MYO7A: variants seen among roughly 807,000 people sequenced by gnomAD.
MYO7A encodes the protein myosin VIIA, also known as unconventional myosin-VIIa.
A neutral mutation model predicts 263.8 loss-of-function variants in MYO7A; 210 were observed. The observed-to-expected ratio is 0.80, with a 90% CI of 0.71 to 0.89. The LOEUF (loss-of-function observed/expected upper bound fraction) is 0.89, where lower values mean the gene tolerates loss of function less well. Among genes scored for constraint, MYO7A ranks in the 40% least tolerant of loss-of-function variants. MYO7A has a pLI of 0.00. For missense variants in MYO7A, 2,820 were observed against 2,968.3 expected (o/e 0.95, Z 1.16); for synonymous variants, 1,239 against 1,197.3 (o/e 1.03, Z -0.72).
At chr11:77,213,187 A>G (rs993213493) in intron 47 of MYO7A, among the ~76,000 whole-genome samples, 152 bp downstream of exon 47, 4 of 152,216 alleles carry the variant, frequency 2.6e-5, no homozygotes, top group Admixed American at 2.6e-4. Context: ...AGCGTTTGCT[A>G]GGACTTTACC....
Position 77,213,031 on chromosome 11 carries a change from C to T in MYO7A, c.6434C>T (p.Thr2145Met), listed in dbSNP as rs756860265. The T allele has an allele frequency of 5.7e-6, 9 of 1,572,498 alleles. No homozygotes were observed. The highest frequency in any genetic ancestry group is 3.5e-5 in the South Asian group (3 of 85,318). ...KYGVSLIDPK[T>M]KDILTTHPFT... ...GGGGTCAGCCTCATCGATCCCAAAA[C>T]GAAGGTGAGCAGGGATAAGGCAGCA... Residue 2145 changes from threonine (T) to methionine (M), a missense_variant, in exon 47 of 49, where the codon ACG becomes ATG. Coordinates refer to ENST00000409709, the MANE Select transcript of MYO7A (RefSeq NM_000260.4).
intron 15 of MYO7A, among the ~76,000 whole-genome samples, chr11:77,169,548 C>T (rs1170801324): frequency 3.9e-5 from 6 of 152,180 alleles, no homozygotes; most frequent in Admixed American, 1.3e-4. Flanking sequence ...TCACTTCCAC[C>T]TTTACCCCAT....
chr11:77,140,993 T>C (rs4945149), intron 2 of MYO7A, among the ~76,000 whole-genome samples: 46,597 of 152,028 alleles, frequency 0.31, 7,250 homozygotes, highest in East Asian at 0.47. Context: ...CTGTACCTTT[T>C]ATGTGTATGT....
intron 20 of MYO7A, 68 bp downstream of exon 20, chr11:77,179,197 G>A (rs1399413555): frequency 9.5e-6 from 13 of 1,371,888 alleles, no homozygotes; most frequent in African/African-American, 5.8e-5. Context: ...CCATGGCAGT[G>A]GGACTGGCCT....
chr11:77,176,071 T>A (rs1211419398), intron 18 of MYO7A, among the ~76,000 whole-genome samples: 1 of 152,230 alleles, frequency 6.6e-6, no homozygotes, highest in East Asian at 1.9e-4. Flanking sequence ...CTCCCAGTGC[T>A]GGGCTTCCCC....
At chr11:77,208,400 C>G in intron 42 of MYO7A, 30 bp from the exon 43 acceptor site, 1 of 1,549,102 alleles carries the variant, frequency 6.5e-7, no homozygotes, top group South Asian at 1.1e-5. Context: ...GTTGCTTAAA[C>G]TGAGTGTGCT....
In MYO7A at chr11:77,162,324, C is replaced by T. The variant is rs2135304460; in HGVS notation, c.1548C>T (p.Phe516=). 5.2e-6 allele frequency: 8 copies of T among 1,551,536 alleles called. No homozygotes were observed. Among genetic ancestry groups the T allele is most frequent in the Non-Finnish European group, 7.0e-6 (8 of 1,147,024 alleles). The part of the protein sequence containing the change: ...IISLIDEESK[F]PKGTDTTMLH... Reference sequence around the variant, plus strand: ...CCCTCATCGATGAGGAGAGCAAGTTCCCCAAGGTGGGCCGGTCCTGCTGCC... The same window carrying T: ...CCCTCATCGATGAGGAGAGCAAGTTTCCCAAGGTGGGCCGGTCCTGCTGCC... Residue 516 remains phenylalanine, a synonymous_variant, in exon 13 of 49, where the codon TTC becomes TTT. Coordinates refer to ENST00000409709, the MANE Select transcript of MYO7A (RefSeq NM_000260.4).
chr11:77,197,936 C>A (rs922531820), intron 33 of MYO7A, among the ~76,000 whole-genome samples: 1 of 109,136 alleles, frequency 9.2e-6, no homozygotes, highest in Non-Finnish European at 2.1e-5. Flanking sequence ...ATCTTCTGTG[C>A]TCAGTGGTGC....
chr11:77,170,144 A>G (rs2135383892), intron 15 of MYO7A, among the ~76,000 whole-genome samples: 2 of 152,288 alleles, frequency 1.3e-5, no homozygotes, highest in South Asian at 4.1e-4. Flanking sequence ...GAGATGTAGT[A>G]TGGGGAAAGA....
Position 77,156,714 on chromosome 11 carries a change from G to A in MYO7A, c.525G>A (p.Leu175=), listed in dbSNP as rs782118827. The A allele has an allele frequency of 3.2e-5, 52 of 1,613,898 alleles. 1 individual carries two copies. In the Middle Eastern group the frequency reaches 4.9e-4, roughly 15 times the overall value. Residue 175 remains leucine, a synonymous_variant, in exon 6 of 49, where the codon CTG becomes CTA. Transcript: ENST00000409709. The part of the protein sequence containing the change: ...TESTKLILQF[L]AAISGQHSWI... ...GCACAAAGCTGATCCTGCAGTTCCT[G>A]GCAGCCATCAGTGGGCAGCACTCGT... is the stretch of plus-strand genomic sequence containing the variant.
intron 1 of MYO7A, 104 bp from the exon 2 acceptor site, chr11:77,130,485 G>A (rs1950736229): frequency 1.3e-5 from 11 of 818,278 alleles, no homozygotes; most frequent in South Asian, 1.3e-4. Flanking sequence ...TCCCTTGAGG[G>A]AGGAGGAGCT....
At position 77,130,671 on chromosome 11, in the gene MYO7A, T is replaced by C. The variant is rs781844094; in HGVS notation, c.18+19T>C. 2 of 1,612,462 alleles carry C rather than the reference T, an allele frequency of 1.2e-6. No homozygotes were observed. The highest frequency in any genetic ancestry group is 1.3e-5 in the African/African-American group (1 of 75,030). On this transcript the variant is annotated intron_variant, in intron 2 of 48. Coordinates refer to ENST00000409709, the MANE Select transcript of MYO7A (RefSeq NM_000260.4). ...TCAGCAGGTCAGTGTTCCCACCTCT[T>C]TGGGTGGCCTGTCCTCCCCAGGCCA... is the stretch of plus-strand genomic sequence containing the variant.
intron 4 of MYO7A, among the ~76,000 whole-genome samples, chr11:77,154,328 G>A (rs1160288938): frequency 5.3e-5 from 8 of 152,176 alleles, no homozygotes; most frequent in Non-Finnish European, 1.0e-4. Flanking sequence ...TGGCTGGGCA[G>A]GGCTGAACTA....
Position 77,130,626 on chromosome 11 carries a change from C to G in MYO7A, c.-9C>G. 2 of 1,613,276 alleles carry G rather than the reference C, an allele frequency of 1.2e-6. No individual in the cohort carries two copies. Among genetic ancestry groups the G allele is most frequent in the East Asian group, 4.5e-5 (2 of 44,868 alleles). Reference sequence around the variant, plus strand: ...CCCAGTGGGCAGCAGGAGCTCCTGACTTGGGACCATGGTGATTCTTCAGCA... The same window carrying G: ...CCCAGTGGGCAGCAGGAGCTCCTGAGTTGGGACCATGGTGATTCTTCAGCA... On this transcript the variant is annotated 5_prime_UTR_variant, in exon 2 of 49. Transcript: ENST00000409709.
In MYO7A at chr11:77,184,666, G is replaced by C. The variant is rs781845667; in HGVS notation, c.3454G>C (p.Glu1152Gln). ...GGAGGACCGGCCCACCTCCAACCTG[G>C]AGAAGCTGCACTTCATCATCGGCAA... is the stretch of plus-strand genomic sequence containing the variant. ...MLEDRPTSNL[E>Q]KLHFIIGNGI... Residue 1152 changes from glutamate to glutamine, a missense_variant, in exon 27 of 49, where the codon GAG (glutamate) becomes CAG (glutamine). Transcript: ENST00000409709. 3 of 1,595,894 alleles carry C rather than the reference G, an allele frequency of 1.9e-6. No individual in the cohort carries two copies. In the South Asian group the frequency reaches 3.4e-5, roughly 18 times the overall value.
intron 2 of MYO7A, among the ~76,000 whole-genome samples, chr11:77,134,269 G>A (rs1292251980): frequency 6.6e-6 from 1 of 152,108 alleles, no homozygotes; most frequent in African/African-American, 2.4e-5. Context: ...TATAGTTTAA[G>A]GCCAAATTAG....
chr11:77,154,100 C>T (rs1326323239), intron 4 of MYO7A, among the ~76,000 whole-genome samples: 3 of 152,186 alleles, frequency 2.0e-5, no homozygotes, highest in African/African-American at 7.2e-5. Context: ...GGCGACAGAG[C>T]GAGACTCTGC....
intron 16 of MYO7A, among the ~76,000 whole-genome samples, chr11:77,173,689 C>T (rs910604703): frequency 2.0e-5 from 3 of 152,196 alleles, no homozygotes; most frequent in East Asian, 3.9e-4. Flanking sequence ...GGAAGGAAGG[C>T]CGGGGAAAGT....
chr11:77,159,618 T>C, intron 10 of MYO7A, 95 bp downstream of exon 10: 2 of 1,235,394 alleles, frequency 1.6e-6, no homozygotes, highest in African/African-American at 1.5e-5. Flanking sequence ...ACCACATTGC[T>C]GGGACCCTCT....
Sources: allele counts gnomAD v4.1 joint callset (sites outside exome capture counted in the v4.1 genomes callset), GRCh38; gene constraint gnomAD v4.1.1; transcripts MANE v1.5; gene names NCBI Gene and HGNC (gene_info 2026-07-23, HGNC 2026-07-21).